The following LRP2 variants were observed in gnomAD, a reference collection of about 807,000 sequenced individuals.
LRP2 encodes the protein low-density lipoprotein receptor-related protein 2.
In LRP2, 172 loss-of-function variants were observed where a neutral mutation model predicts 531.0. The observed-to-expected ratio is 0.32, with a 90% confidence interval of 0.29 to 0.37. The LOEUF (loss-of-function observed/expected upper bound fraction) is 0.37. LRP2 is among the 10% of genes least tolerant of loss of function. The pLI is 1.00. For missense variants in LRP2, 5,167 were observed against 5,868.3 expected (o/e 0.88, Z 3.90); for synonymous variants, 1,992 against 2,027.6 (o/e 0.98, Z 0.47).
chr2:169,160,038 T>C (rs899449441), intron 63 of LRP2, among the ~76,000 whole-genome samples: 3 of 152,164 alleles, frequency 2.0e-5, no homozygotes, highest in Non-Finnish European at 4.4e-5. Context: ...ATAACTGATT[T>C]CCCCAAACCC....
rs199918722 is a variant in LRP2, at chr2:169,206,063, C to T, written c.7516G>A (p.Val2506Ile). 232 of 1,614,034 alleles carry T rather than the reference C, an allele frequency of 1.4e-4. 1 individual carries two copies. Among genetic ancestry groups the T allele is most frequent in the East Asian group, 1.2e-3 (52 of 44,892 alleles). Residue 2506 changes from valine (V) to isoleucine (I), a missense_variant, in exon 40 of 79, where the codon GTT becomes ATT. By Grantham distance (29) the Val-to-Ile change is conservative. This residue lies in a region of LRP2 where 1,129 missense variants were observed against 1,362.7 expected (regional missense o/e 0.83). Transcript: ENST00000649046. ...DGSNRTVIAR[V>I]PKPRAIVLDP... ...AACACAATTGCTCTTGGTTTTGGAA[C>T]GCGGGCTATCACAGTGCGGTTAGAC...
intron 2 of LRP2, 73 bp from the exon 3 acceptor site, chr2:169,318,957 A>G: frequency 6.3e-7 from 1 of 1,579,018 alleles, no homozygotes; most frequent in African/African-American, 1.3e-5. Context: ...TGCTTGTTCC[A>G]GAAGAGTGTA....
chr2:169,355,287 T>C (rs924128522), intron 1 of LRP2, among the ~76,000 whole-genome samples: 3 of 152,260 alleles, frequency 2.0e-5, no homozygotes, highest in Admixed American at 2.0e-4. Context: ...ACCCCAGGGC[T>C]GCCAGCTCTT....
chr2:169,344,723 G>A (rs1408212858), intron 1 of LRP2, among the ~76,000 whole-genome samples: 6 of 152,138 alleles, frequency 3.9e-5, no homozygotes, highest in African/African-American at 7.2e-5. Flanking sequence ...AATAATAAAA[G>A]CTTATCCTAG....
intron 62 of LRP2, among the ~76,000 whole-genome samples, chr2:169,165,474 C>T (rs932084563): frequency 6.6e-6 from 1 of 152,204 alleles, no homozygotes; most frequent in Non-Finnish European, 1.5e-5. Flanking sequence ...ATTAGATAAG[C>T]TCTGTTAACA....
At position 169,362,519 on chromosome 2, in the gene LRP2, T is replaced by C; in HGVS notation, c.-120A>G. 1 of 892,440 alleles carries C rather than the reference T, an allele frequency of 1.1e-6. No individual in the cohort carries two copies. Among genetic ancestry groups the C allele is most frequent in the South Asian group, 1.5e-5 (1 of 68,674 alleles). 55.3% of individuals were successfully genotyped at this position (892,440 alleles called of 1,614,324 possible). A position where few individuals can be genotyped will look rare whatever the true frequency, so the allele number is the denominator to read the frequency against. ...TTAGGTCTGCACCTCCGCCAGCTCC[T>C]AGTGGCCAAAAGCCTGCCCCCACGC... On this transcript the variant is annotated 5_prime_UTR_variant, in exon 1 of 79. Transcript: ENST00000649046.
At chr2:169,197,258 A>G (rs1297708204) in intron 45 of LRP2, among the ~76,000 whole-genome samples, 3 of 148,248 alleles carry the variant, frequency 2.0e-5, no homozygotes, top group African/African-American at 7.4e-5. Flanking sequence ...GATTCCAGAA[A>G]TCAAAAAAAA....
At chr2:169,267,488 C>T (rs1241461547) in intron 16 of LRP2, among the ~76,000 whole-genome samples, 2 of 152,182 alleles carry the variant, frequency 1.3e-5, no homozygotes, top group African/African-American at 2.4e-5. Context: ...AACTGAACAA[C>T]GTGCTCCTGA....
In LRP2 at chr2:169,217,111, T is replaced by G. The variant is rs372491906; in HGVS notation, c.5649-681A>C. 3.1e-4 allele frequency among the ~76,000 whole-genome samples: 47 copies of G among 152,278 alleles called. No homozygotes were observed. The South Asian group carries it at 4.4e-3, about 14-fold the overall frequency. ...CAAATCCATGATATATGAAAATGTA[T>G]TAAAATATATTAAGGGCTGTTTTCC... On this transcript the variant is annotated intron_variant, in intron 34 of 78. Transcript: ENST00000649046.
In LRP2 at chr2:169,244,859, T is replaced by A; in HGVS notation, c.3264A>T (p.Lys1088Asn). The A allele has an allele frequency of 6.2e-7, 1 of 1,614,254 alleles. No individual in the cohort carries two copies. Among genetic ancestry groups the A allele is most frequent in the Non-Finnish European group, 8.5e-7 (1 of 1,180,036 alleles). Residue 1088 changes from lysine (K) to asparagine (N), a missense_variant, in exon 22 of 79, where the codon AAA becomes AAT. By Grantham distance (94) the Lys-to-Asn change is moderately conservative. Around this residue, in one of 6 missense-constraint regions of LRP2, gnomAD observed 2,811 missense variants for 3,058.0 expected, o/e 0.92. Transcript: ENST00000649046. ...ECIPAHWRCDKRNDCVDGSDE... is the reference protein window; with the variant it reads ...ECIPAHWRCDNRNDCVDGSDE... ...CACTGCCATCCACACAGTCGTTGCG[T>A]TTGTCACAGCGCCAGTGTGCAGGAA... is the stretch of plus-strand genomic sequence containing the variant.
rs1206904905 is a variant in LRP2 at position 169,259,132 on chromosome 2, G to A, written c.2406C>T (p.Asp802=). The change falls in exon 17 of 79, where the codon GAC becomes GAT. Residue 802 remains aspartate (D), a synonymous_variant. Transcript: ENST00000649046. The stretch of plus-strand genomic sequence containing the variant: ...TGACACTGATACTCTTGTAATGAGA[G>A]TCTGTCCAATAGAGATTCTTTGAAA... ...DWISKNLYWT[D]SHYKSISVMR... 6.2e-7 allele frequency: 1 copy of A among 1,613,078 alleles called. No individual in the cohort carries two copies. The highest frequency in any genetic ancestry group is 1.1e-5 in the South Asian group (1 of 91,058).
At chr2:169,145,698 T>C in intron 70 of LRP2, 49 bp downstream of exon 70, 2 of 1,571,368 alleles carry the variant, frequency 1.3e-6, no homozygotes, top group South Asian at 1.1e-5. Flanking sequence ...TATTTTGAAA[T>C]AAGATTTCCA....
chr2:169,241,369 G>A lies in LRP2; in HGVS notation c.3668-4C>T. 7 of 1,614,074 alleles carry A rather than the reference G, an allele frequency of 4.3e-6. No homozygotes were observed. The highest frequency in any genetic ancestry group is 5.1e-6 in the Non-Finnish European group (6 of 1,180,032). The stretch of plus-strand genomic sequence containing the variant: ...CACATACCAGGAGGCCTGGTTGCTA[G>A]AAGGAAAACATGGGGTAAATCGGCT... On this transcript the variant is annotated splice_polypyrimidine_tract_variant and splice_region_variant and intron_variant, in intron 24 of 78. Transcript: ENST00000649046.
intron 19 of LRP2, among the ~76,000 whole-genome samples, chr2:169,254,789 A>G (rs1690237389): frequency 6.6e-6 from 1 of 152,044 alleles, no homozygotes. Context: ...CTCGAATCCC[A>G]AAACATCCCA....
Position 169,207,263 on chromosome 2 carries a change from TG to T in LRP2, c.6470-14del. On this transcript the variant is annotated splice_polypyrimidine_tract_variant and intron_variant, in intron 38 of 78. Coordinates refer to ENST00000649046, the MANE Select transcript of LRP2 (RefSeq NM_004525.3). Reference sequence around the variant, plus strand: ...AAATAAAGATTTCCTATGGGAAAAATGAAAGTGCATGCTGATCAATGGAGAA... The same window carrying T: ...AAATAAAGATTTCCTATGGGAAAAATAAAGTGCATGCTGATCAATGGAGAA... 1 of 1,582,738 alleles carries T rather than the reference TG, an allele frequency of 6.3e-7. No individual in the cohort carries two copies. Among genetic ancestry groups the T allele is most frequent in the Non-Finnish European group, 8.7e-7 (1 of 1,151,726 alleles).
chr2:169,223,814 T>G (rs1388591628), intron 33 of LRP2, among the ~76,000 whole-genome samples: 1 of 152,204 alleles, frequency 6.6e-6, no homozygotes, highest in Non-Finnish European at 1.5e-5. Context: ...GAGATACTTG[T>G]GCACACTGCA....
chr2:169,347,856 T>C (rs1318130561), intron 1 of LRP2, among the ~76,000 whole-genome samples: 3 of 151,748 alleles, frequency 2.0e-5, no homozygotes, highest in Admixed American at 6.6e-5. Context: ...CTGCCAAGAG[T>C]AGCAAAAAAA....
intron 76 of LRP2, among the ~76,000 whole-genome samples, chr2:169,135,556 C>A (rs1321829495): frequency 6.6e-6 from 1 of 152,140 alleles, no homozygotes; most frequent in Non-Finnish European, 1.5e-5. Context: ...TCAGTGGAAC[C>A]TTCATACCCC....
intron 25 of LRP2, chr2:169,240,639 G>C: frequency 2.1e-6 from 1 of 467,682 alleles, no homozygotes. Flanking sequence ...TTTGTGATAA[G>C]TTCTGATTGA....
Sources: allele counts gnomAD v4.1 joint callset (sites outside exome capture counted in the v4.1 genomes callset), GRCh38; gene constraint gnomAD v4.1.1; regional missense constraint gnomAD v4.1.1; transcripts MANE v1.5; gene names NCBI Gene and HGNC (gene_info 2026-07-23, HGNC 2026-07-21).